Variants in SBF2 observed in about 807,000 individuals in gnomAD.
The protein encoded by SBF2 is SET binding factor 2.
A neutral mutation model predicts 225.2 loss-of-function variants in SBF2; 112 were observed. That is an observed-to-expected ratio of 0.50 (90% CI 0.43 to 0.58). The LOEUF is 0.58. Ranked by LOEUF, SBF2 falls within the 20% of genes least tolerant of loss-of-function variation. SBF2 has a pLI of 0.00. For synonymous variants in SBF2, 763 were observed against 773.3 expected, an observed-to-expected ratio of 0.99 and a Z score of 0.22; for missense variants, 1,996 against 2,206.2, an observed-to-expected ratio of 0.90 and a Z score of 1.91.
intron 2 of SBF2, among the ~76,000 whole-genome samples, chr11:10,151,903 T>C (rs992450383): frequency 7.2e-5 from 11 of 152,342 alleles, no homozygotes; most frequent in African/African-American, 2.4e-4. Flanking sequence ...ATTACTGTCA[T>C]CTTCACTAAA....
At chr11:10,145,727 G>T (rs1954851520) in intron 2 of SBF2, among the ~76,000 whole-genome samples, 1 of 152,152 alleles carries the variant, frequency 6.6e-6, no homozygotes, top group Admixed American at 6.5e-5. Context: ...ACCTGGTATA[G>T]TGCTCTATAC....
At chr11:9,813,272 A>G (rs1564876936) in intron 29 of SBF2, among the ~76,000 whole-genome samples, 1 of 152,222 alleles carries the variant, frequency 6.6e-6, no homozygotes, top group Non-Finnish European at 1.5e-5. Context: ...AGAGATAAAT[A>G]TTGAGAAAGA....
chr11:10,294,645 C>G (rs890043540), upstream of SBF2, among the ~76,000 whole-genome samples: 2 of 152,244 alleles, frequency 1.3e-5, no homozygotes, highest in Non-Finnish European at 2.9e-5. Flanking sequence ...TGCACGTTTC[C>G]TGTTTATGTT....
intron 26 of SBF2, chr11:9,839,014 A>G (rs1403905171): frequency 1.1e-5 from 2 of 183,490 alleles, no homozygotes; most frequent in Non-Finnish European, 2.3e-5. Flanking sequence ...CTGTGGGCCA[A>G]AACTGGCCAT....
At chr11:10,065,814 G>A (rs550423935) in intron 2 of SBF2, among the ~76,000 whole-genome samples, 11 of 152,182 alleles carry the variant, frequency 7.2e-5, no homozygotes, top group East Asian at 3.9e-4. Flanking sequence ...CAGGTGTGAC[G>A]GTGCATGTCT....
intron 2 of SBF2, among the ~76,000 whole-genome samples, chr11:10,121,692 C>A (rs780678074): frequency 6.6e-6 from 1 of 152,190 alleles, no homozygotes; most frequent in African/African-American, 2.4e-5. Flanking sequence ...TACTTGGGAA[C>A]CTGTAGAATA....
chr11:9,932,486 T>C (rs1337653518), intron 16 of SBF2, among the ~76,000 whole-genome samples: 1 of 152,112 alleles, frequency 6.6e-6, no homozygotes, highest in Non-Finnish European at 1.5e-5. Context: ...TCATCCTTCT[T>C]AAAGAAAATA....
chr11:9,842,424 T>G (rs61876909), intron 25 of SBF2, among the ~76,000 whole-genome samples: 3,008 of 152,288 alleles, frequency 0.02, 37 homozygotes, highest in Non-Finnish European at 0.031. Flanking sequence ...AGTAAAGAAG[T>G]ATAATTTAAC....
intron 14 of SBF2, among the ~76,000 whole-genome samples, chr11:9,967,990 TAA>T (rs1232724661): frequency 0.012 from 1,619 of 138,716 alleles, 13 homozygotes; most frequent in Non-Finnish European, 0.017. Flanking sequence ...TATATATATA[TAA>T]AATATATATA....
intron 16 of SBF2, chr11:9,958,937 G>T: frequency 1.4e-6 from 1 of 690,024 alleles, no homozygotes; most frequent in Non-Finnish European, 2.6e-6. Flanking sequence ...GTTGATGTTA[G>T]AAGTTTCATG....
In SBF2 at chr11:9,832,340, C is replaced by A; in HGVS notation, c.3536G>T (p.Arg1179Leu). The A allele has an allele frequency of 6.2e-7, 1 of 1,613,962 alleles. No homozygotes were observed. The highest frequency in any genetic ancestry group is 8.5e-7 in the Non-Finnish European group (1 of 1,179,952). Residue 1179 changes from arginine (R) to leucine (L), a missense_variant, in exon 27 of 40, where the codon CGC (arginine) becomes CTC (leucine). Physicochemically the swap from Arg to Leu is moderately radical, Grantham distance 102. Coordinates refer to ENST00000256190, the MANE Select transcript of SBF2 (RefSeq NM_030962.4). ...GTTCTTCCAACATACAACAGGCAGGCGATTGTGTCGATAGCAGCGAGCTAC... is the reference window on the plus strand; with the variant it reads ...GTTCTTCCAACATACAACAGGCAGGAGATTGTGTCGATAGCAGCGAGCTAC... ...PRVARCYRHN[R>L]LPVVCWKNSR...
chr11:10,140,400 C>G (rs1591050957), intron 2 of SBF2, among the ~76,000 whole-genome samples: 1 of 152,114 alleles, frequency 6.6e-6, no homozygotes, highest in Admixed American at 6.6e-5. Context: ...TCAATCATGC[C>G]TACACAATGA....
At chr11:10,259,102 G>C (rs1428568900) in intron 1 of SBF2, among the ~76,000 whole-genome samples, 1 of 152,156 alleles carries the variant, frequency 6.6e-6, no homozygotes, top group Non-Finnish European at 1.5e-5. Flanking sequence ...TAACTAGCTT[G>C]AGAAGTTGTC....
At chr11:10,041,194 A>G (rs1271699275) in intron 3 of SBF2, among the ~76,000 whole-genome samples, 1 of 152,130 alleles carries the variant, frequency 6.6e-6, no homozygotes, top group African/African-American at 2.4e-5. Flanking sequence ...GAGAAACGAA[A>G]GGCCAATAAA....
intron 16 of SBF2, among the ~76,000 whole-genome samples, chr11:9,926,061 T>C (rs1864016407): frequency 6.6e-6 from 1 of 152,264 alleles, no homozygotes; most frequent in African/African-American, 2.4e-5. Context: ...TATGTGGATC[T>C]TTCCCCTTTG....
chr11:10,263,274 A>G (rs1226189382), intron 1 of SBF2, among the ~76,000 whole-genome samples: 1 of 152,064 alleles, frequency 6.6e-6, no homozygotes, highest in Non-Finnish European at 1.5e-5. Flanking sequence ...ATAATTACAC[A>G]TTTTTATCCC....
chr11:9,947,246 T>C (rs1865614643), intron 16 of SBF2, among the ~76,000 whole-genome samples: 1 of 152,186 alleles, frequency 6.6e-6, no homozygotes. Flanking sequence ...TTTTAAAGTG[T>C]GCTAGAGAAT....
chr11:9,977,491 A>AG (rs1183560168), intron 13 of SBF2, among the ~76,000 whole-genome samples: 1 of 138,302 alleles, frequency 7.2e-6, no homozygotes, highest in Admixed American at 7.8e-5. Flanking sequence ...TGTCTCTTTA[A>AG]GAAAAAAAAA....
chr11:10,085,043 A>G (rs1951510990), intron 2 of SBF2, among the ~76,000 whole-genome samples: 1 of 152,248 alleles, frequency 6.6e-6, no homozygotes, highest in Admixed American at 6.5e-5. Flanking sequence ...TAATCTATGT[A>G]TATAATAAAA....
Sources: gnomAD v4.1 joint callset for allele counts (sites outside exome capture counted in the v4.1 genomes callset) on GRCh38, gnomAD v4.1.1 for gene constraint, MANE v1.5 for transcripts, NCBI Gene and HGNC (gene_info 2026-07-23, HGNC 2026-07-21) for gene names.